Variants in IFT122 observed in about 807,000 individuals in gnomAD.
IFT122 encodes intraflagellar transport protein 122 homolog.
Under a neutral mutation model 161.6 loss-of-function variants are expected in IFT122, and 118 were observed. That is an observed-to-expected ratio of 0.73 (90% confidence interval 0.63 to 0.85). The LOEUF is 0.85. Ranked by LOEUF, IFT122 falls within the 40% of genes least tolerant of loss-of-function variation. IFT122 has a pLI of 0.00. For synonymous variants in IFT122, 550 were observed against 602.4 expected (o/e 0.91, Z 1.27); for missense variants, 1,381 against 1,579.6 (o/e 0.87, Z 2.13).
intron 13 of IFT122, among the ~76,000 whole-genome samples, chr3:129,480,868 AAAAAC>A (rs1305937865): frequency 7.9e-5 from 12 of 152,132 alleles, no homozygotes; most frequent in South Asian, 2.1e-4. Flanking sequence ...AGCCAATGTT[AAAAAC>A]AAAACAAAAC....
At chr3:129,467,214 T>G in intron 8 of IFT122, 148 bp downstream of exon 8, 1 of 690,380 alleles carries the variant, frequency 1.4e-6, no homozygotes, top group Non-Finnish European at 2.5e-6. Context: ...AAAGGAGACA[T>G]ACCCTTAAAA....
chr3:129,518,353 G>A (rs1241443973), intron 27 of IFT122, among the ~76,000 whole-genome samples: 1 of 152,246 alleles, frequency 6.6e-6, no homozygotes, highest in Non-Finnish European at 1.5e-5. Flanking sequence ...GCTTCTGGCA[G>A]GGAACAGCAC....
At chr3:129,490,339 A>C (rs963719967) in intron 16 of IFT122, among the ~76,000 whole-genome samples, 8 of 152,228 alleles carry the variant, frequency 5.3e-5, no homozygotes, top group African/African-American at 1.9e-4. Context: ...GCTTGGATAT[A>C]GTGGTTCCTA....
chr3:129,484,283 C>G (rs994170757), intron 15 of IFT122, among the ~76,000 whole-genome samples: 2 of 152,134 alleles, frequency 1.3e-5, no homozygotes, highest in Non-Finnish European at 2.9e-5. Flanking sequence ...CTCCCCTCCA[C>G]CTTCTGCACC....
Position 129,476,940 on chromosome 3 carries a change from G to GTTTTT in IFT122, c.1147+143_1147+144insTTTTT, listed in dbSNP as rs201252917. ...CTGTTAGCCACTGGGTCTGTGTCTT[G>GTTTTT]TTTTCTTTTTTTTTTTTTTTTGGTG... On this transcript the variant is annotated intron_variant, in intron 11 of 29. Transcript: ENST00000348417. The GTTTTT allele has an allele frequency of 7.3e-5, 52 of 715,582 alleles. 1 individual carries two copies. The highest frequency in any genetic ancestry group is 9.1e-5 in the Non-Finnish European group (42 of 461,208). The allele number at this position is 715,582 out of a possible 1,614,324, so 44.3% of individuals were successfully genotyped here.
intron 8 of IFT122, 79 bp from the exon 9 acceptor site, chr3:129,469,263 C>T: frequency 8.0e-7 from 1 of 1,248,356 alleles, no homozygotes; most frequent in East Asian, 2.3e-5. Context: ...CTTCCTTGTT[C>T]CTGTTGTTTA....
chr3:129,447,940 T>C (rs754037158), intron 1 of IFT122, among the ~76,000 whole-genome samples: 6 of 152,180 alleles, frequency 3.9e-5, no homozygotes, highest in Non-Finnish European at 7.3e-5. Context: ...GAGCCCTGGT[T>C]GAGGAGGAAG....
chr3:129,446,364 A>G (rs1005687042), intron 1 of IFT122, among the ~76,000 whole-genome samples: 1 of 151,516 alleles, frequency 6.6e-6, no homozygotes, highest in Non-Finnish European at 1.5e-5. Flanking sequence ...AGCTGGGACT[A>G]TAGGTGCCCG....
chr3:129,519,486 A>G (rs770732553), intron 28 of IFT122, 82 bp from the exon 29 acceptor site: 7 of 1,579,348 alleles, frequency 4.4e-6, no homozygotes, highest in African/African-American at 4.0e-5. Flanking sequence ...ACCACTGCCA[A>G]AGATTCCAGG....
chr3:129,513,233 A>G (rs1204932896), intron 24 of IFT122: 1 of 152,246 alleles, frequency 6.6e-6, no homozygotes, highest in African/African-American at 2.4e-5. Context: ...ATTACCAGGC[A>G]ATGATCCAGA....
At chr3:129,512,254 C>A in intron 23 of IFT122, 58 bp from the exon 24 acceptor site, 1 of 1,246,262 alleles carries the variant, frequency 8.0e-7, no homozygotes, top group Non-Finnish European at 1.2e-6. Context: ...GCCTTTTGGC[C>A]TGGCCCAGCA....
chr3:129,505,164 C>T (rs1030419211), intron 21 of IFT122, among the ~76,000 whole-genome samples: 2 of 152,154 alleles, frequency 1.3e-5, no homozygotes, highest in East Asian at 1.9e-4. Flanking sequence ...TGTGCAAGGA[C>T]GAAGAGGCTA....
intron 9 of IFT122, among the ~76,000 whole-genome samples, chr3:129,471,742 A>T (rs1411857993): frequency 6.6e-6 from 1 of 152,192 alleles, no homozygotes; most frequent in African/African-American, 2.4e-5. Flanking sequence ...GAAGATTTAG[A>T]ATTCAATATA....
At chr3:129,510,121 C>T (rs1366617467) in intron 23 of IFT122, among the ~76,000 whole-genome samples, 1 of 152,178 alleles carries the variant, frequency 6.6e-6, no homozygotes, top group East Asian at 1.9e-4. Context: ...AGTGCAGTGT[C>T]ATGATCATAG....
chr3:129,457,078 C>G (rs531995493), intron 3 of IFT122, among the ~76,000 whole-genome samples: 7 of 152,312 alleles, frequency 4.6e-5, no homozygotes, highest in Admixed American at 1.3e-4. Flanking sequence ...TCTAAAAGTC[C>G]TTAAGATGTA....
intron 4 of IFT122, 152 bp downstream of exon 4, chr3:129,458,829 G>A: frequency 1.4e-6 from 1 of 690,166 alleles, no homozygotes; most frequent in Non-Finnish European, 2.6e-6. Context: ...TAGGAAGGTT[G>A]AGTAGTGAAT....
At chr3:129,519,989 A>G (rs1396058244) in intron 29 of IFT122, among the ~76,000 whole-genome samples, 187 bp from the exon 30 acceptor site, 1 of 152,100 alleles carries the variant, frequency 6.6e-6, no homozygotes, top group African/African-American at 2.4e-5. Flanking sequence ...CTTCACTCAG[A>G]AAACAAGAAA....
intron 20 of IFT122, 59 bp from the exon 21 acceptor site, chr3:129,504,260 T>C (rs1315303944): frequency 8.1e-6 from 11 of 1,354,492 alleles, no homozygotes; most frequent in Middle Eastern, 2.3e-4. Context: ...CCAAGTACAG[T>C]GTTTTCATGG....
chr3:129,468,019 G>A (rs968275295), intron 8 of IFT122, among the ~76,000 whole-genome samples: 1 of 152,230 alleles, frequency 6.6e-6, no homozygotes, highest in Non-Finnish European at 1.5e-5. Context: ...GCCATATGTG[G>A]CCTCCCCAAG....
Sources: allele counts gnomAD v4.1 joint callset (sites outside exome capture counted in the v4.1 genomes callset), GRCh38; gene constraint gnomAD v4.1.1; transcripts MANE v1.5; gene names NCBI Gene and HGNC (gene_info 2026-07-23, HGNC 2026-07-21).